The following ADAM23 variants were observed in gnomAD, a reference collection of about 807,000 sequenced individuals.
ADAM23 encodes ADAM metallopeptidase domain 23, also known as disintegrin and metalloproteinase domain-containing protein 23.
Under a neutral mutation model 120.1 loss-of-function variants are expected in ADAM23, and 33 were observed. The observed-to-expected ratio is 0.27, with a 90% CI of 0.21 to 0.37. The LOEUF (loss-of-function observed/expected upper bound fraction) is 0.37, where lower values mean the gene tolerates loss of function less well. ADAM23 is among the 10% of genes least tolerant of loss of function. The pLI, the probability that ADAM23 is intolerant of heterozygous loss-of-function variation, is 1.00. For missense variants in ADAM23, 862 were observed against 1,058.2 expected (o/e 0.81, Z 2.57); for synonymous variants, 367 against 375.2 (o/e 0.98, Z 0.25).
At chr2:206,599,287 A>G (rs182890031) in intron 24 of ADAM23, among the ~76,000 whole-genome samples, 323 of 152,130 alleles carry the variant, frequency 2.1e-3, no homozygotes, top group African/African-American at 6.8e-3. Context: ...AATGAAGACA[A>G]TGGAGTCATT....
chr2:206,584,733 C>T (rs1365005467), intron 18 of ADAM23, among the ~76,000 whole-genome samples: 1 of 152,134 alleles, frequency 6.6e-6, no homozygotes, highest in African/African-American at 2.4e-5. Flanking sequence ...CGATTGGTGC[C>T]CTCCCCCAAG....
At chr2:206,484,255 G>A (rs1012603542) in intron 3 of ADAM23, among the ~76,000 whole-genome samples, 19 of 152,124 alleles carry the variant, frequency 1.2e-4, no homozygotes, top group African/African-American at 4.6e-4. Flanking sequence ...TACTGTAGGG[G>A]TTGGGATGGA....
At chr2:206,487,459 C>A (rs775677394) in intron 3 of ADAM23, among the ~76,000 whole-genome samples, 2 of 152,204 alleles carry the variant, frequency 1.3e-5, no homozygotes, top group Non-Finnish European at 2.9e-5. Flanking sequence ...ACTGGGAATT[C>A]AGATAACATA....
At chr2:206,464,528 A>G (rs914644581) in intron 2 of ADAM23, among the ~76,000 whole-genome samples, 36 of 151,996 alleles carry the variant, frequency 2.4e-4, no homozygotes, top group African/African-American at 8.2e-4. Flanking sequence ...TGAGCCGAGA[A>G]CGCACCACTG....
At chr2:206,533,446 A>G (rs1574517840) in intron 4 of ADAM23, among the ~76,000 whole-genome samples, 1 of 151,994 alleles carries the variant, frequency 6.6e-6, no homozygotes, top group Admixed American at 6.6e-5. Context: ...CTCGTGATCC[A>G]CCCGCCTCAG....
intron 4 of ADAM23, among the ~76,000 whole-genome samples, chr2:206,537,950 A>C (rs1016830622): frequency 1.1e-4 from 16 of 152,226 alleles, no homozygotes; most frequent in Non-Finnish European, 2.9e-5. Context: ...AATTATTATT[A>C]ATCATTCAAA....
intron 20 of ADAM23, 79 bp downstream of exon 20, chr2:206,588,233 AG>A: frequency 7.0e-7 from 1 of 1,436,362 alleles, no homozygotes; most frequent in Non-Finnish European, 9.7e-7. Context: ...TCTTGCTGAG[AG>A]AGATGCACAG....
intron 3 of ADAM23, among the ~76,000 whole-genome samples, chr2:206,525,606 T>C (rs1160838007): frequency 6.6e-6 from 1 of 152,164 alleles, no homozygotes; most frequent in African/African-American, 2.4e-5. Flanking sequence ...TTTTGTTTTA[T>C]TCTGAGACAG....
chr2:206,595,000 G>T, intron 23 of ADAM23, 95 bp downstream of exon 23: 1 of 1,491,400 alleles, frequency 6.7e-7, no homozygotes. Context: ...AGCCAACATG[G>T]TGAAACACCA....
At chr2:206,445,657 G>C (rs1028248297) in intron 2 of ADAM23, 133 bp downstream of exon 2, 6 of 736,706 alleles carry the variant, frequency 8.1e-6, no homozygotes, top group Admixed American at 2.9e-5. Context: ...TTATGATAGG[G>C]GAGAAACTGG....
chr2:206,569,230 G>T (rs1423498693), intron 15 of ADAM23, among the ~76,000 whole-genome samples: 1 of 152,146 alleles, frequency 6.6e-6, no homozygotes, highest in East Asian at 1.9e-4. Context: ...TATGCATAAA[G>T]ATCCATCAAT....
At chr2:206,603,961 C>CAA (rs556443421) in intron 24 of ADAM23, among the ~76,000 whole-genome samples, 6 of 112,922 alleles carry the variant, frequency 5.3e-5, no homozygotes, top group Admixed American at 1.8e-4. Context: ...AAACTTAAGC[C>CAA]AAAAAAAAAA....
chr2:206,565,148 G>T (rs778503720), intron 14 of ADAM23, 80 bp downstream of exon 14: 18 of 1,316,658 alleles, frequency 1.4e-5, no homozygotes, highest in Non-Finnish European at 2.0e-5. Context: ...GGTCTCTCGG[G>T]TATTGGTCTT....
intron 18 of ADAM23, among the ~76,000 whole-genome samples, chr2:206,585,347 A>G (rs1698301738): frequency 6.6e-6 from 1 of 152,220 alleles, no homozygotes; most frequent in Non-Finnish European, 1.5e-5. Context: ...AAGAAACCAC[A>G]GGGATTTCTG....
chr2:206,607,503 A>G (rs566602167), intron 24 of ADAM23, among the ~76,000 whole-genome samples: 1 of 152,338 alleles, frequency 6.6e-6, no homozygotes, highest in South Asian at 2.1e-4. Flanking sequence ...GAATTTTAAT[A>G]ATCCTTCCTT....
chr2:206,553,812 C>T (rs932833860), intron 9 of ADAM23, among the ~76,000 whole-genome samples: 6 of 152,084 alleles, frequency 3.9e-5, no homozygotes, highest in Non-Finnish European at 8.8e-5. Context: ...GGATTTGCTG[C>T]TGGGCTTTAG....
In ADAM23 at chr2:206,530,952, C is replaced by T. The variant is rs757549026; in HGVS notation, c.573+4C>T. On this transcript the variant is annotated splice_donor_region_variant and intron_variant, in intron 4 of 25. Transcript: ENST00000264377. ...TGGGAAACCACAGTACTCTAAGGTA[C>T]GGTTACCGGCGTCGGCAAGTACTCT... The T allele has an allele frequency of 2.0e-5, 33 of 1,612,394 alleles. No individual in the cohort carries two copies. The highest frequency in any genetic ancestry group is 1.6e-4 in the Middle Eastern group (1 of 6,084).
At chr2:206,457,828 G>T (rs1695329841) in intron 2 of ADAM23, among the ~76,000 whole-genome samples, 1 of 152,268 alleles carries the variant, frequency 6.6e-6, no homozygotes, top group Admixed American at 6.5e-5. Context: ...ACAGAAGTAT[G>T]CTGCTTGAAG....
chr2:206,510,244 A>G (rs921384224), intron 3 of ADAM23, among the ~76,000 whole-genome samples: 1 of 152,186 alleles, frequency 6.6e-6, no homozygotes, highest in Non-Finnish European at 1.5e-5. Context: ...TAAAAGAAAA[A>G]CAAATGAAAT....
Sources: allele counts gnomAD v4.1 joint callset (sites outside exome capture counted in the v4.1 genomes callset), GRCh38; gene constraint gnomAD v4.1.1; transcripts MANE v1.5; gene names NCBI Gene and HGNC (gene_info 2026-07-23, HGNC 2026-07-21).